Variants in RAPGEF5 observed in about 807,000 individuals in gnomAD.
RAPGEF5 encodes the protein Rap guanine nucleotide exchange factor 5.
In RAPGEF5, 65 loss-of-function variants were observed where a neutral mutation model predicts 125.2. The observed-to-expected ratio is 0.52, with a 90% CI of 0.43 to 0.64. The LOEUF is 0.64. RAPGEF5 is among the 30% of genes least tolerant of loss of function. The pLI is 0.00. For synonymous variants in RAPGEF5, 391 were observed against 385.9 expected (o/e 1.01, Z -0.16); for missense variants, 958 against 1,048.1 (o/e 0.91, Z 1.19).
chr7:22,137,363 G>A (rs970700886), intron 21 of RAPGEF5, among the ~76,000 whole-genome samples: 2 of 152,200 alleles, frequency 1.3e-5, no homozygotes, highest in Admixed American at 6.5e-5. Flanking sequence ...GACATTTTTA[G>A]CATAGATGAT....
intron 11 of RAPGEF5, among the ~76,000 whole-genome samples, chr7:22,186,816 C>A (rs1034389367): frequency 2.6e-5 from 4 of 152,202 alleles, no homozygotes; most frequent in Non-Finnish European, 4.4e-5. Context: ...TATTTCACCA[C>A]TGAGGGAAAA....
intron 9 of RAPGEF5, among the ~76,000 whole-genome samples, chr7:22,214,643 A>G (rs10278217): frequency 0.79 from 119,347 of 151,906 alleles, 47,265 homozygotes; most frequent in African/African-American, 0.87. Flanking sequence ...TTCAAATCTA[A>G]GTTACGACTG....
intron 7 of RAPGEF5, among the ~76,000 whole-genome samples, chr7:22,259,108 T>A (rs1289744187): frequency 6.6e-6 from 1 of 152,132 alleles, no homozygotes; most frequent in African/African-American, 2.4e-5. Context: ...ACAAAAGACA[T>A]ATCTGATAAA....
intron 7 of RAPGEF5, among the ~76,000 whole-genome samples, chr7:22,255,172 C>A (rs1583521690): frequency 6.6e-6 from 1 of 152,086 alleles, no homozygotes. Flanking sequence ...AGGATACATT[C>A]TTTGAACATA....
intron 11 of RAPGEF5, among the ~76,000 whole-genome samples, chr7:22,174,156 C>T (rs1459531714): frequency 6.6e-6 from 1 of 152,090 alleles, no homozygotes; most frequent in African/African-American, 2.4e-5. Flanking sequence ...TAAATACTAC[C>T]TATTATTTAT....
intron 9 of RAPGEF5, among the ~76,000 whole-genome samples, chr7:22,206,397 G>A (rs1289691895): frequency 6.6e-6 from 1 of 152,134 alleles, no homozygotes; most frequent in Non-Finnish European, 1.5e-5. Context: ...ATAAATCACA[G>A]CTATATTAAA....
In RAPGEF5 at chr7:22,356,194, G is replaced by GT. The variant is rs767672096; in HGVS notation, c.231+635dup. On this transcript the variant is annotated intron_variant, in intron 1 of 25. Transcript: ENST00000665637. ...AGGGACACTCCTTCACCAGGAAATC[G>GT]TATCTGAACACACCATCAGGAAGTC... is the stretch of plus-strand genomic sequence containing the variant. The GT allele has an allele frequency of 7.4e-4, 729 of 985,422 alleles. 5 individuals carry two copies. Among genetic ancestry groups the GT allele is most frequent in the Middle Eastern group, 1.0e-3 (2 of 1,914 alleles). 61.0% of individuals were successfully genotyped at this position (985,422 alleles called of 1,614,324 possible). A position where few individuals can be genotyped will look rare whatever the true frequency, so the allele number is the denominator to read the frequency against.
At chr7:22,324,394 C>T (rs1248027859) in intron 1 of RAPGEF5, among the ~76,000 whole-genome samples, 1 of 152,076 alleles carries the variant, frequency 6.6e-6, no homozygotes, top group Non-Finnish European at 1.5e-5. Context: ...TGATCCTGGA[C>T]TAGAATAAGG....
At chr7:22,215,134 A>G (rs1272815446) in intron 9 of RAPGEF5, among the ~76,000 whole-genome samples, 1 of 151,914 alleles carries the variant, frequency 6.6e-6, no homozygotes, top group Non-Finnish European at 1.5e-5. Flanking sequence ...CAGCCCTCAA[A>G]ATCCTCCACA....
intron 11 of RAPGEF5, among the ~76,000 whole-genome samples, chr7:22,179,121 G>C (rs887400293): frequency 2.6e-5 from 4 of 152,042 alleles, no homozygotes; most frequent in Admixed American, 1.3e-4. Flanking sequence ...GACCAAGTAT[G>C]TATTTCTTAT....
intron 1 of RAPGEF5, among the ~76,000 whole-genome samples, chr7:22,330,484 A>G (rs1057457543): frequency 7.9e-5 from 12 of 152,202 alleles, no homozygotes; most frequent in African/African-American, 2.9e-4. Context: ...CAGCCCTTCC[A>G]TTTCTAAATG....
At chr7:22,252,648 T>C (rs1786653536) in intron 7 of RAPGEF5, among the ~76,000 whole-genome samples, 2 of 152,236 alleles carry the variant, frequency 1.3e-5, no homozygotes, top group Admixed American at 6.5e-5. Context: ...AGGAGAAATC[T>C]GTGAAAAGGG....
At position 22,335,366 on chromosome 7, in the gene RAPGEF5, A is replaced by G. The variant is rs576859194; in HGVS notation, c.232-17329T>C. 3.3e-5 allele frequency among the ~76,000 whole-genome samples: 5 copies of G among 152,324 alleles called. No individual in the cohort carries two copies. In the East Asian group the frequency reaches 7.7e-4, roughly 23 times the overall value. ...CACACATAGAAATCTAAGAACTGGG[A>G]AAGGCAGAGGTAGATAAAGGGAGTA... On this transcript the variant is annotated intron_variant, in intron 1 of 25. Transcript: ENST00000665637.
chr7:22,356,366 C>A, intron 1 of RAPGEF5: 2 of 499,360 alleles, frequency 4.0e-6, no homozygotes, highest in Non-Finnish European at 5.2e-6. Context: ...TGGAGACCAC[C>A]AAAACCAGTC....
intron 7 of RAPGEF5, among the ~76,000 whole-genome samples, chr7:22,255,167 A>T (rs1786725716): frequency 6.6e-6 from 1 of 152,210 alleles, no homozygotes; most frequent in African/African-American, 2.4e-5. Context: ...CATATAGGAT[A>T]CATTCTTTGA....
intron 7 of RAPGEF5, among the ~76,000 whole-genome samples, chr7:22,242,075 C>T (rs188145282): frequency 2.0e-5 from 3 of 152,286 alleles, no homozygotes; most frequent in African/African-American, 7.2e-5. Flanking sequence ...GGTGACAAGG[C>T]AACAGAAAGG....
chr7:22,188,150 C>T (rs1479652946), intron 11 of RAPGEF5, among the ~76,000 whole-genome samples: 2 of 152,178 alleles, frequency 1.3e-5, no homozygotes, highest in Admixed American at 6.5e-5. Flanking sequence ...TACCCTCAAA[C>T]ATTTTTAGTA....
intron 8 of RAPGEF5, among the ~76,000 whole-genome samples, chr7:22,223,402 G>A (rs1785840514): frequency 6.6e-6 from 1 of 152,198 alleles, no homozygotes; most frequent in Admixed American, 6.5e-5. Flanking sequence ...AGGGACAAAA[G>A]CTTTATTAAC....
At chr7:22,351,860 A>G (rs550356418) in intron 1 of RAPGEF5, among the ~76,000 whole-genome samples, 49 of 152,330 alleles carry the variant, frequency 3.2e-4, no homozygotes, top group African/African-American at 9.4e-4. Context: ...AAAGCACTCC[A>G]GCTTGTACAA....
Sources: allele counts gnomAD v4.1 joint callset (sites outside exome capture counted in the v4.1 genomes callset), GRCh38; gene constraint gnomAD v4.1.1; transcripts MANE v1.5; gene names NCBI Gene and HGNC (gene_info 2026-07-23, HGNC 2026-07-21).